Variants in LRFN2 observed in about 807,000 individuals in gnomAD.
LRFN2 encodes leucine rich repeat and fibronectin type III domain containing 2.
LRFN2 carries 18 observed loss-of-function variants against 37.3 expected under a neutral mutation model. The ratio of observed to expected loss-of-function variants is 0.48; its 90% CI spans 0.33 to 0.72. The LOEUF (loss-of-function observed/expected upper bound fraction) is 0.72, where lower values mean the gene tolerates loss of function less well. Ranked by LOEUF, LRFN2 falls within the 30% of genes least tolerant of loss-of-function variation. LRFN2 has a pLI of 0.02. For missense variants in LRFN2, 1,006 were observed against 1,060.7 expected, an observed-to-expected ratio of 0.95 and a Z score of 0.72; for synonymous variants, 556 against 466.6, an observed-to-expected ratio of 1.19 and a Z score of -2.47.
At chr6:40,472,049 G>A (rs1450169161) in intron 1 of LRFN2, among the ~76,000 whole-genome samples, 4 of 152,174 alleles carry the variant, frequency 2.6e-5, no homozygotes, top group East Asian at 1.9e-4. Context: ...CCACTTGCAG[G>A]GTCCTAAACA....
At chr6:40,460,979 CATT>C (rs1261398943) in intron 1 of LRFN2, among the ~76,000 whole-genome samples, 4 of 152,162 alleles carry the variant, frequency 2.6e-5, no homozygotes, top group Non-Finnish European at 5.9e-5. Flanking sequence ...GAAACAATGA[CATT>C]ATTTTCCATC....
At chr6:40,393,026 G>C in intron 2 of LRFN2, 114 bp from the exon 3 acceptor site, 34 of 620,920 alleles carry the variant, frequency 5.5e-5, no homozygotes, top group Non-Finnish European at 7.8e-5. Flanking sequence ...GGAGGGGAGG[G>C]AGGCCAAGAC....
chr6:40,452,751 T>A (rs565381977), intron 1 of LRFN2, among the ~76,000 whole-genome samples: 3 of 152,008 alleles, frequency 2.0e-5, no homozygotes, highest in Admixed American at 6.5e-5. Context: ...CATTATGGAA[T>A]TATCCTTCTC....
chr6:40,545,522 T>A (rs1186964332), intron 1 of LRFN2, among the ~76,000 whole-genome samples: 1 of 152,158 alleles, frequency 6.6e-6, no homozygotes. Flanking sequence ...TGGAGCATGT[T>A]AAGTGGGTTA....
chr6:40,448,725 G>A (rs1298415455), intron 1 of LRFN2, among the ~76,000 whole-genome samples: 7 of 152,284 alleles, frequency 4.6e-5, no homozygotes, highest in South Asian at 4.1e-4. Context: ...GATCCTAATC[G>A]TTTCTCTTAA....
intron 1 of LRFN2, among the ~76,000 whole-genome samples, chr6:40,571,984 G>A (rs1478877935): frequency 6.6e-6 from 1 of 152,146 alleles, no homozygotes; most frequent in Non-Finnish European, 1.5e-5. Flanking sequence ...TCCAAAACAG[G>A]GGGGGCTCCG....
chr6:40,415,579 C>T (rs1763077097), intron 2 of LRFN2, among the ~76,000 whole-genome samples: 1 of 152,152 alleles, frequency 6.6e-6, no homozygotes, highest in South Asian at 2.1e-4. Flanking sequence ...TCCCTGGCTT[C>T]CCCAGGCTAG....
intron 1 of LRFN2, among the ~76,000 whole-genome samples, chr6:40,540,184 C>A (rs763988486): frequency 4.6e-5 from 7 of 152,170 alleles, no homozygotes; most frequent in Non-Finnish European, 1.0e-4. Context: ...CTTCAGTGTC[C>A]TTGTCAGGTG....
intron 2 of LRFN2, among the ~76,000 whole-genome samples, chr6:40,416,882 T>C (rs1763104949): frequency 6.6e-6 from 1 of 152,194 alleles, no homozygotes; most frequent in Non-Finnish European, 1.5e-5. Context: ...TTCCCGGCCC[T>C]CCGAACTGTG....
At chr6:40,468,437 C>T (rs547442429) in intron 1 of LRFN2, among the ~76,000 whole-genome samples, 1 of 152,282 alleles carries the variant, frequency 6.6e-6, no homozygotes, top group Admixed American at 6.5e-5. Context: ...TGAGAGCAAT[C>T]ATTCCTTTGG....
chr6:40,435,082 GAGAGAGAGAC>G (rs1430756200), intron 1 of LRFN2, among the ~76,000 whole-genome samples: 7 of 135,592 alleles, frequency 5.2e-5, no homozygotes, highest in African/African-American at 1.4e-4. Flanking sequence ...GAGAGAGAGA[GAGAGAGAGAC>G]AGAGAGATAA....
intron 1 of LRFN2, among the ~76,000 whole-genome samples, chr6:40,444,721 T>C (rs1383739148): frequency 2.0e-5 from 3 of 152,118 alleles, no homozygotes; most frequent in Non-Finnish European, 4.4e-5. Context: ...TCAATTCAAG[T>C]TGATTTCCAG....
In LRFN2 at chr6:40,521,875, C is replaced by T. The variant is rs547189016; in HGVS notation, c.-19+65066G>A. 2.0e-5 allele frequency among the ~76,000 whole-genome samples: 3 copies of T among 152,322 alleles called. No homozygotes were observed. In the East Asian group the frequency reaches 5.8e-4, roughly 29 times the overall value. On this transcript the variant is annotated intron_variant, in intron 1 of 2. Transcript: ENST00000338305. Reference sequence around the variant, plus strand: ...TGCTGCACCCCTTCCCAAACATGGCCGCTTTTTGAGACTGAACTAGCTGTG... The same window carrying T: ...TGCTGCACCCCTTCCCAAACATGGCTGCTTTTTGAGACTGAACTAGCTGTG...
rs142012380 is a variant in LRFN2 at position 40,392,096 on chromosome 6, C to T, written c.2217G>A (p.Pro739=). The T allele has an allele frequency of 2.5e-6, 4 of 1,613,710 alleles. No individual in the cohort carries two copies. The highest frequency in any genetic ancestry group is 1.7e-5 in the Admixed American group (1 of 59,994). Residue 739 remains proline (P), a synonymous_variant, in exon 3 of 3, where the codon CCG becomes CCA. Coordinates refer to ENST00000338305, the MANE Select transcript of LRFN2 (RefSeq NM_020737.3). The surrounding 1 kb of genome is among the most constrained non-coding windows in gnomAD (Gnocchi z 4.7). Reference sequence around the variant, plus strand: ...CCTTCCGAGGAGGACTGTAGCCGCCCGGCACGACCCCTCCCGCCGCCGCAG... The same window carrying T: ...CCTTCCGAGGAGGACTGTAGCCGCCTGGCACGACCCCTCCCGCCGCCGCAG... ...FAAAAAGGVV[P]GGYSPPRKVS... is the part of the protein sequence containing the mutation.
At chr6:40,461,225 A>G (rs1298358679) in intron 1 of LRFN2, among the ~76,000 whole-genome samples, 1 of 152,002 alleles carries the variant, frequency 6.6e-6, no homozygotes, top group East Asian at 1.9e-4. Context: ...TGGTCAACAT[A>G]GCAAGGATTA....
chr6:40,493,662 G>C (rs1765150066), intron 1 of LRFN2, among the ~76,000 whole-genome samples: 2 of 152,172 alleles, frequency 1.3e-5, no homozygotes, highest in African/African-American at 4.8e-5. Flanking sequence ...ATCTCTTGGA[G>C]TCTGGTTTCT....
intron 1 of LRFN2, among the ~76,000 whole-genome samples, chr6:40,499,966 A>G (rs1209881948): frequency 3.3e-5 from 5 of 152,214 alleles, no homozygotes; most frequent in African/African-American, 7.2e-5. Context: ...GTTCGTATGT[A>G]TTTCAATAGA....
chr6:40,525,298 C>G (rs761876999), intron 1 of LRFN2, among the ~76,000 whole-genome samples: 19 of 152,198 alleles, frequency 1.2e-4, no homozygotes, highest in Non-Finnish European at 2.5e-4. Context: ...CAGGCTGGCT[C>G]TACTAGGCAA....
intron 1 of LRFN2, among the ~76,000 whole-genome samples, chr6:40,484,812 C>A (rs1764916954): frequency 6.6e-6 from 1 of 152,208 alleles, no homozygotes; most frequent in South Asian, 2.1e-4. Context: ...GCCCCTCTAG[C>A]CCTCATACAT....
Sources: allele counts gnomAD v4.1 joint callset (sites outside exome capture counted in the v4.1 genomes callset), GRCh38; gene constraint gnomAD v4.1.1; non-coding constraint Gnocchi (gnomAD v3.1); transcripts MANE v1.5; gene names NCBI Gene and HGNC (gene_info 2026-07-23, HGNC 2026-07-21).